Variants in UPP2 observed in about 807,000 individuals in gnomAD.
UPP2 encodes uridine phosphorylase 2, also known as UPase 2.
UPP2 carries 23 observed loss-of-function variants against 26.7 expected under a neutral mutation model. The observed-to-expected ratio is 0.86, with a 90% confidence interval of 0.62 to 1.22. UPP2 has a LOEUF of 1.22. UPP2 is among the 50% of genes most tolerant of loss of function. The pLI, the probability that UPP2 is intolerant of heterozygous loss-of-function variation, is 0.00. For synonymous variants in UPP2, 127 were observed against 141.3 expected (o/e 0.90, Z 0.72); for missense variants, 387 against 396.7 (o/e 0.98, Z 0.21).
intron 3 of UPP2, among the ~76,000 whole-genome samples, chr2:158,021,171 G>A (rs918161098): frequency 2.6e-5 from 4 of 152,214 alleles, no homozygotes; most frequent in African/African-American, 9.7e-5. Context: ...CCTAGGTTAA[G>A]AGCAATAGTC....
chr2:157,995,981 T>C (rs1683319161), intron 2 of UPP2, among the ~76,000 whole-genome samples: 1 of 152,214 alleles, frequency 6.6e-6, no homozygotes, highest in Admixed American at 6.5e-5. Flanking sequence ...TGCTAAATTG[T>C]CTTCAAGATT....
chr2:158,081,058 CT>C (rs1169183480), intron 3 of UPP2, among the ~76,000 whole-genome samples: 1 of 152,086 alleles, frequency 6.6e-6, no homozygotes, highest in Admixed American at 6.6e-5. Flanking sequence ...GTTGTTACAT[CT>C]CAAATGACTT....
chr2:158,103,907 G>A (rs868273149), intron 1 of UPP2, among the ~76,000 whole-genome samples: 1 of 152,162 alleles, frequency 6.6e-6, no homozygotes, highest in Non-Finnish European at 1.5e-5. Flanking sequence ...TTGAGATTTT[G>A]AAGCTTGTTC....
At chr2:158,015,340 C>CT (rs1002556985) in intron 2 of UPP2, among the ~76,000 whole-genome samples, 1 of 152,158 alleles carries the variant, frequency 6.6e-6, no homozygotes, top group African/African-American at 2.4e-5. Flanking sequence ...CAGTATTGAT[C>CT]TTTTTTTGTG....
intron 2 of UPP2, among the ~76,000 whole-genome samples, chr2:157,995,639 G>A (rs1683313616): frequency 6.6e-6 from 1 of 151,392 alleles, no homozygotes; most frequent in Non-Finnish European, 1.5e-5. Flanking sequence ...AAAAAAAATA[G>A]AAAAAAATTG....
chr2:158,021,433 G>A (rs1208822261), intron 3 of UPP2, among the ~76,000 whole-genome samples: 1 of 152,180 alleles, frequency 6.6e-6, no homozygotes, highest in Non-Finnish European at 1.5e-5. Flanking sequence ...GTCAACAGAC[G>A]AGACTGGGGA....
intron 3 of UPP2, among the ~76,000 whole-genome samples, chr2:158,087,454 T>G (rs1682835083): frequency 6.6e-6 from 1 of 152,214 alleles, no homozygotes; most frequent in South Asian, 2.1e-4. Flanking sequence ...ATTCTTTGTC[T>G]TTTAAGTGGA....
rs565665420 is a variant in UPP2, at chr2:158,121,442, T to C, written c.488T>C (p.Ile163Thr). 7.4e-5 allele frequency: 120 copies of C among 1,613,406 alleles called. 1 individual carries two copies. The South Asian group carries it at 1.1e-3, about 15-fold the overall frequency. The change falls in exon 5 of 7, where the codon ATA becomes ACA. Residue 163 changes from isoleucine to threonine, a missense_variant. Transcript: ENST00000005756. ...CCAGGGACTGTTGTAATAACGGATA[T>C]AGCTGTAGACTCCTTCTTTAAGCCC... Reference protein sequence around the residue: ...IAPGTVVITDIAVDSFFKPRF... With the variant: ...IAPGTVVITDTAVDSFFKPRF...
At chr2:158,109,788 T>C (rs1683272995) in intron 2 of UPP2, among the ~76,000 whole-genome samples, 1 of 152,190 alleles carries the variant, frequency 6.6e-6, no homozygotes, top group African/African-American at 2.4e-5. Context: ...ATTCAGACAA[T>C]TAATACATAC....
At chr2:158,120,376 T>A (rs1683538169) in intron 4 of UPP2, among the ~76,000 whole-genome samples, 1 of 152,060 alleles carries the variant, frequency 6.6e-6, no homozygotes, top group Non-Finnish European at 1.5e-5. Context: ...GGATTTGGTT[T>A]ATGAACCATA....
chr2:158,040,139 C>T (rs111874339), intron 3 of UPP2, among the ~76,000 whole-genome samples: 1 of 152,220 alleles, frequency 6.6e-6, no homozygotes, highest in Non-Finnish European at 1.5e-5. Flanking sequence ...ACTTCTCCAA[C>T]GTCCTTTTGC....
chr2:158,134,019 C>G (rs1394049458), intron 6 of UPP2: 1 of 152,158 alleles, frequency 6.6e-6, no homozygotes, highest in Non-Finnish European at 1.5e-5. Flanking sequence ...AAAGACATTG[C>G]CCTTGTGACA....
At chr2:158,010,171 A>C (rs1464034112) in intron 2 of UPP2, among the ~76,000 whole-genome samples, 2 of 152,252 alleles carry the variant, frequency 1.3e-5, no homozygotes, top group Non-Finnish European at 2.9e-5. Flanking sequence ...CGACAGAAGA[A>C]TGAGGATGAA....
chr2:158,019,517 A>C (rs1304756144), intron 3 of UPP2, among the ~76,000 whole-genome samples: 1 of 152,126 alleles, frequency 6.6e-6, no homozygotes, highest in Admixed American at 6.5e-5. Flanking sequence ...TCACAATCTG[A>C]AAATGGTCAA....
chr2:158,122,029 G>A (rs1283005636), intron 5 of UPP2, among the ~76,000 whole-genome samples: 1 of 152,088 alleles, frequency 6.6e-6, no homozygotes, highest in East Asian at 1.9e-4. Context: ...AATGCTTGGG[G>A]AGGGGGTACA....
intron 3 of UPP2, among the ~76,000 whole-genome samples, chr2:158,079,663 T>A (rs1682690245): frequency 6.6e-6 from 1 of 152,152 alleles, no homozygotes; most frequent in Admixed American, 6.6e-5. Flanking sequence ...ATACATTTTT[T>A]TCAAATGGCT....
At chr2:158,124,867 C>T (rs1231087367) in intron 6 of UPP2, among the ~76,000 whole-genome samples, 6 of 152,096 alleles carry the variant, frequency 3.9e-5, no homozygotes, top group South Asian at 2.1e-4. Context: ...TAGTAGACAT[C>T]AAAATGGAGG....
chr2:158,070,991 G>A (rs1184795851), intron 3 of UPP2, among the ~76,000 whole-genome samples: 1 of 152,210 alleles, frequency 6.6e-6, no homozygotes, highest in South Asian at 2.1e-4. Context: ...ATCAGCCTTA[G>A]CCGGAGGGGG....
chr2:158,081,555 T>A (rs1364414306), intron 3 of UPP2, among the ~76,000 whole-genome samples: 4 of 152,166 alleles, frequency 2.6e-5, no homozygotes, highest in Non-Finnish European at 5.9e-5. Flanking sequence ...AGCCAAGATT[T>A]GGAAGCAATC....
Sources: allele counts gnomAD v4.1 joint callset (sites outside exome capture counted in the v4.1 genomes callset), GRCh38; gene constraint gnomAD v4.1.1; transcripts MANE v1.5; gene names NCBI Gene and HGNC (gene_info 2026-07-23, HGNC 2026-07-21).